Variants in RUNX2 observed in about 807,000 individuals in gnomAD.
RUNX2 encodes the protein RUNX family transcription factor 2.
RUNX2 carries 10 observed loss-of-function variants against 51.7 expected under a neutral mutation model. That is an observed-to-expected ratio of 0.19 (90% confidence interval 0.12 to 0.33). The LOEUF is 0.33. Among genes scored for constraint, RUNX2 ranks in the 10% least tolerant of loss-of-function variants. The probability of loss-of-function intolerance (pLI) is 1.00; values close to 1 mark genes in which losing one functional copy is unlikely to be tolerated. For missense variants in RUNX2, 562 were observed against 691.3 expected, an observed-to-expected ratio of 0.81 and a Z score of 2.10; for synonymous variants, 276 against 273.6, an observed-to-expected ratio of 1.01 and a Z score of -0.09.
intron 7 of RUNX2, among the ~76,000 whole-genome samples, chr6:45,540,735 G>T (rs1318715047): frequency 6.6e-6 from 1 of 152,178 alleles, no homozygotes; most frequent in Non-Finnish European, 1.5e-5. Flanking sequence ...CTAACAGCAG[G>T]CCATGGGTTT....
chr6:45,371,318 T>G (rs534562321), intron 2 of RUNX2, among the ~76,000 whole-genome samples: 1 of 152,010 alleles, frequency 6.6e-6, no homozygotes, highest in African/African-American at 2.4e-5. Flanking sequence ...GAAAAAGGAC[T>G]GGGGGATTTA....
intron 2 of RUNX2, among the ~76,000 whole-genome samples, chr6:45,358,616 A>G (rs752288942): frequency 2.3e-4 from 35 of 152,148 alleles, no homozygotes; most frequent in Admixed American, 4.6e-4. Context: ...GAACTACACT[A>G]TGTGTTTTAA....
intron 3 of RUNX2, among the ~76,000 whole-genome samples, chr6:45,424,182 A>T (rs542838298): frequency 4.3e-4 from 66 of 152,246 alleles, no homozygotes; most frequent in African/African-American, 1.5e-3. Flanking sequence ...CGGGAGTCGC[A>T]GGCAGGTGCT....
intron 3 of RUNX2, among the ~76,000 whole-genome samples, chr6:45,425,666 G>A: frequency 6.6e-6 from 1 of 152,186 alleles, no homozygotes. Context: ...TCCAGATTGT[G>A]ACAACCTCTC....
rs1359492970 is a variant in RUNX2, at chr6:45,548,881, A to G, written c.*1576A>G. 1.2e-5 allele frequency: 4 copies of G among 344,300 alleles called. No homozygotes were observed. The highest frequency in any genetic ancestry group is 2.1e-5 in the Non-Finnish European group (4 of 191,872). The allele number at this position is 344,300 out of a possible 1,614,324, so 21.3% of individuals were successfully genotyped here. A position where few individuals can be genotyped will look rare whatever the true frequency, so the allele number is the denominator to read the frequency against. ...GCAGCTTTCCACAGAATTTGCATTT[A>G]GAGGAGCAGAATGACATCACTGTCC... On this transcript the variant is annotated 3_prime_UTR_variant, in exon 9 of 9. Coordinates refer to ENST00000647337, the MANE Select transcript of RUNX2 (RefSeq NM_001024630.4).
chr6:45,428,703 C>A (rs114993117), intron 3 of RUNX2, among the ~76,000 whole-genome samples: 3 of 152,008 alleles, frequency 2.0e-5, no homozygotes, highest in Admixed American at 6.6e-5. Flanking sequence ...TCTTAGGGAT[C>A]TTTTCTTTCA....
intron 2 of RUNX2, chr6:45,365,327 T>C (rs200032531): frequency 6.8e-7 from 1 of 1,481,060 alleles, no homozygotes; most frequent in South Asian, 1.2e-5. Context: ...AAATAAAGCT[T>C]ACAAAATGTA....
chr6:45,472,986 T>C (rs1799849314), intron 5 of RUNX2, among the ~76,000 whole-genome samples: 1 of 152,204 alleles, frequency 6.6e-6, no homozygotes, highest in African/African-American at 2.4e-5. Flanking sequence ...CCAGCTAGTG[T>C]AATAAAATTG....
chr6:45,379,454 TATC>T (rs1402518080), intron 2 of RUNX2, among the ~76,000 whole-genome samples: 1 of 152,222 alleles, frequency 6.6e-6, no homozygotes, highest in African/African-American at 2.4e-5. Context: ...CAGTTAATGT[TATC>T]ATAGAAGTTC....
At chr6:45,525,882 C>T (rs1438536084) in intron 7 of RUNX2, among the ~76,000 whole-genome samples, 2 of 151,854 alleles carry the variant, frequency 1.3e-5, no homozygotes, top group African/African-American at 2.4e-5. Context: ...GTCCCAGCTA[C>T]TTGGGAGACT....
chr6:45,497,873 C>G lies in RUNX2; in HGVS notation c.859+5759C>G, dbSNP rs78626582. On this transcript the variant is annotated intron_variant, in intron 6 of 8. Coordinates refer to ENST00000647337, the MANE Select transcript of RUNX2 (RefSeq NM_001024630.4). The stretch of plus-strand genomic sequence containing the variant: ...TGACCTCTTCAGGAGGCGGGACCCA[C>G]TATTATCCTAGCCTTAATATTTTTC... Among the ~76,000 whole-genome samples the G allele has an allele frequency of 8.9e-3, 1,357 of 152,264 alleles. 18 individuals are homozygous for G. Among genetic ancestry groups the G allele is most frequent in the African/African-American group, 0.03 (1,264 of 41,534 alleles).
intron 2 of RUNX2, among the ~76,000 whole-genome samples, chr6:45,407,498 ATTG>A (rs1203263297): frequency 1.3e-5 from 2 of 151,792 alleles, no homozygotes; most frequent in East Asian, 3.9e-4. Context: ...AATCATTTTT[ATTG>A]TTGTTTTTGA....
Position 45,422,711 on chromosome 6 carries a change from G to GCAGCAGCAA in RUNX2, c.185_186insACAGCAGCA (p.Gln69_Gln71dup). On this transcript the variant is annotated inframe_insertion, in exon 3 of 9. Transcript: ENST00000647337. ...AGCAGCAACAGCAGCAGCAGCAACA[G>GCAGCAGCAA]CAGCAGCAGCAGCAGCAACAGCAGC... The GCAGCAGCAA allele has an allele frequency of 6.6e-7, 1 of 1,519,964 alleles. No individual in the cohort carries two copies. Among genetic ancestry groups the GCAGCAGCAA allele is most frequent in the Admixed American group, 1.9e-5 (1 of 53,956 alleles). 94.2% of individuals were successfully genotyped at this position (1,519,964 alleles called of 1,614,324 possible). A position where few individuals can be genotyped will look rare whatever the true frequency, so the allele number is the denominator to read the frequency against.
At chr6:45,387,873 C>T (rs920247311) in intron 2 of RUNX2, among the ~76,000 whole-genome samples, 1 of 152,076 alleles carries the variant, frequency 6.6e-6, no homozygotes, top group African/African-American at 2.4e-5. Flanking sequence ...TGAAGGTAAT[C>T]GTTGGCAAAA....
At chr6:45,467,376 G>A (rs1446490407) in intron 5 of RUNX2, among the ~76,000 whole-genome samples, 1 of 152,084 alleles carries the variant, frequency 6.6e-6, no homozygotes, top group East Asian at 1.9e-4. Flanking sequence ...CTGCCTCCCG[G>A]GTTCAAGCGA....
intron 6 of RUNX2, among the ~76,000 whole-genome samples, chr6:45,499,482 C>G (rs1232608660): frequency 6.6e-6 from 1 of 152,192 alleles, no homozygotes; most frequent in Admixed American, 6.5e-5. Context: ...TCCTAGGACT[C>G]TGTGAAGGGC....
Position 45,549,028 on chromosome 6 carries a change from A to T in RUNX2, c.*1723A>T, listed in dbSNP as rs1431685908. 4 of 397,934 alleles carry T rather than the reference A, an allele frequency of 1.0e-5. No individual in the cohort carries two copies. The highest frequency in any genetic ancestry group is 1.8e-5 in the Non-Finnish European group (4 of 226,052). 24.7% of individuals were successfully genotyped at this position (397,934 alleles called of 1,614,324 possible). On this transcript the variant is annotated 3_prime_UTR_variant, in exon 9 of 9. Coordinates refer to ENST00000647337, the MANE Select transcript of RUNX2 (RefSeq NM_001024630.4). Reference sequence around the variant, plus strand: ...TTTGTATTTCTTACAATGGAGGGCCAAGGAGGGCAAGGGGCTGTGGAGTTT... The same window carrying T: ...TTTGTATTTCTTACAATGGAGGGCCTAGGAGGGCAAGGGGCTGTGGAGTTT...
At chr6:45,426,663 T>C (rs1798390734) in intron 3 of RUNX2, among the ~76,000 whole-genome samples, 1 of 152,250 alleles carries the variant, frequency 6.6e-6, no homozygotes, top group Non-Finnish European at 1.5e-5. Flanking sequence ...ATCAGTATCA[T>C]ATGTTTTTCT....
chr6:45,525,064 T>C (rs1026937812), intron 7 of RUNX2, among the ~76,000 whole-genome samples: 2 of 152,166 alleles, frequency 1.3e-5, no homozygotes, highest in African/African-American at 4.8e-5. Flanking sequence ...TGAGCCAAGA[T>C]TGCGTAATTG....
Sources: gnomAD v4.1 joint callset for allele counts (sites outside exome capture counted in the v4.1 genomes callset) on GRCh38, gnomAD v4.1.1 for gene constraint, MANE v1.5 for transcripts, NCBI Gene and HGNC (gene_info 2026-07-23, HGNC 2026-07-21) for gene names.